ZDHHC21: variants seen among roughly 807,000 people sequenced by gnomAD.
ZDHHC21 encodes palmitoyltransferase ZDHHC21.
Under a neutral mutation model 34.6 loss-of-function variants are expected in ZDHHC21, and 15 were observed. The ratio of observed to expected loss-of-function variants is 0.43; its 90% CI spans 0.29 to 0.67. The LOEUF (loss-of-function observed/expected upper bound fraction) is 0.67, where lower values mean the gene tolerates loss of function less well. Ranked by LOEUF, ZDHHC21 falls within the 30% of genes least tolerant of loss-of-function variation. The pLI is 0.14. For missense variants in ZDHHC21, 344 were observed against 327.7 expected, an observed-to-expected ratio of 1.05 and a Z score of -0.38; for synonymous variants, 142 against 101.8, an observed-to-expected ratio of 1.40 and a Z score of -2.38.
In ZDHHC21 at chr9:14,644,264, C is replaced by G. The variant is rs112832760; in HGVS notation, c.505-4252G>C. On this transcript the variant is annotated intron_variant, in intron 7 of 9. Coordinates refer to ENST00000380916, the MANE Select transcript of ZDHHC21 (RefSeq NM_178566.6). Reference sequence around the variant, plus strand: ...ACATTTTTTATACTTTCTTAAAAACCCAAAAGAATCTATAGATAAATCATT... The same window carrying G: ...ACATTTTTTATACTTTCTTAAAAACGCAAAAGAATCTATAGATAAATCATT... Among the ~76,000 whole-genome samples the G allele has an allele frequency of 1.0e-3, 156 of 152,046 alleles. 1 individual carries two copies. Among genetic ancestry groups the G allele is most frequent in the African/African-American group, 3.5e-3 (144 of 41,496 alleles).
chr9:14,654,650 A>G (rs1277811258), intron 7 of ZDHHC21, among the ~76,000 whole-genome samples: 1 of 152,090 alleles, frequency 6.6e-6, no homozygotes, highest in Non-Finnish European at 1.5e-5. Flanking sequence ...TGATTTCACC[A>G]CAGAAATTAT....
At chr9:14,604,761 C>T in the ZDHHC21 span, among the ~76,000 whole-genome samples, 4 of 152,082 alleles carry the variant, frequency 2.6e-5, no homozygotes, top group Non-Finnish European at 5.9e-5. Context: ...CAGTACGGTA[C>T]TGTTAAATTT....
At position 14,674,172 on chromosome 9, in the gene ZDHHC21, G is replaced by C. The variant is rs748787849; in HGVS notation, c.154+15C>G. 6 of 1,466,378 alleles carry C rather than the reference G, an allele frequency of 4.1e-6. No homozygotes were observed. Among genetic ancestry groups the C allele is most frequent in the Admixed American group, 2.7e-5 (1 of 37,536 alleles). The allele number at this position is 1,466,378 out of a possible 1,614,324, so 90.8% of individuals were successfully genotyped here. A position where few individuals can be genotyped will look rare whatever the true frequency, so the allele number is the denominator to read the frequency against. ...AAAAATAATTATACAAGAAAATAAA[G>C]ATCAAGAAACTTACTTATTATTAAT... is the stretch of plus-strand genomic sequence containing the variant. On this transcript the variant is annotated intron_variant, in intron 4 of 9. Coordinates refer to ENST00000380916, the MANE Select transcript of ZDHHC21 (RefSeq NM_178566.6).
intron 7 of ZDHHC21, among the ~76,000 whole-genome samples, chr9:14,655,187 C>G (rs1831963500): frequency 6.6e-6 from 1 of 151,928 alleles, no homozygotes; most frequent in South Asian, 2.1e-4. Flanking sequence ...ATGATGGAAA[C>G]CATAAGACAA....
intron 7 of ZDHHC21, among the ~76,000 whole-genome samples, chr9:14,658,349 T>G (rs1832670042): frequency 7.0e-6 from 1 of 142,988 alleles, no homozygotes. Flanking sequence ...AGTTTGCTTT[T>G]GTTGTTTTGT....
chr9:14,646,533 G>C (rs1369357252), intron 7 of ZDHHC21, among the ~76,000 whole-genome samples: 1 of 152,060 alleles, frequency 6.6e-6, no homozygotes, highest in Non-Finnish European at 1.5e-5. Context: ...GAAAAAAGGA[G>C]AGGAAGAGTC....
chr9:14,598,648 A>G, the ZDHHC21 span, among the ~76,000 whole-genome samples: 1 of 152,222 alleles, frequency 6.6e-6, no homozygotes, highest in South Asian at 2.1e-4. Context: ...ATGCAGAATG[A>G]TATTTAAAAA....
At chr9:14,639,042 G>C (rs1057216833) in intron 8 of ZDHHC21, among the ~76,000 whole-genome samples, 6 of 151,964 alleles carry the variant, frequency 3.9e-5, no homozygotes, top group African/African-American at 7.2e-5. Context: ...GTATATCAAA[G>C]GGATGCCTGC....
intron 7 of ZDHHC21, among the ~76,000 whole-genome samples, chr9:14,649,918 A>C (rs1318729026): frequency 6.6e-6 from 1 of 152,132 alleles, no homozygotes; most frequent in Non-Finnish European, 1.5e-5. Flanking sequence ...GTGTTTGGTA[A>C]AAGTAAAAGA....
intron 8 of ZDHHC21, among the ~76,000 whole-genome samples, chr9:14,623,156 C>A (rs1392889269): frequency 5.7e-5 from 8 of 139,710 alleles, no homozygotes; most frequent in African/African-American, 2.1e-4. Flanking sequence ...AAGGCAACAA[C>A]AAAAAAAAAA....
rs557291158 is a variant in ZDHHC21 at position 14,693,116 on chromosome 9, G to A, written c.-225+113C>T. The A allele has an allele frequency of 6.9e-4, 147 of 213,796 alleles. 2 individuals carry two copies. The South Asian group carries it at 7.2e-3, about 10-fold the overall frequency. The allele number at this position is 213,796 out of a possible 1,614,324, so 13.2% of individuals were successfully genotyped here. On this transcript the variant is annotated intron_variant, in intron 1 of 9. Transcript: ENST00000380916. ...GAACAGGTGAGGGCGTCCCGGCGCG[G>A]AGGAGCGGCGGGCGGGCCCGGCAGA...
At chr9:14,602,772 C>T in the ZDHHC21 span, among the ~76,000 whole-genome samples, 2 of 151,788 alleles carry the variant, frequency 1.3e-5, no homozygotes, top group African/African-American at 4.8e-5. Context: ...AAACAAAGGA[C>T]AAAAGCCAGG....
intron 7 of ZDHHC21, among the ~76,000 whole-genome samples, chr9:14,656,412 A>C (rs1454976490): frequency 6.6e-6 from 1 of 151,944 alleles, no homozygotes; most frequent in Non-Finnish European, 1.5e-5. Context: ...CCATATACCT[A>C]ACTTGATAAT....
At chr9:14,590,040 A>T in the ZDHHC21 span, 1 of 152,262 alleles carries the variant, frequency 6.6e-6, no homozygotes, top group African/African-American at 2.4e-5. Flanking sequence ...CACAGCTGTT[A>T]TAACCATGTT....
chr9:14,686,799 C>A (rs72704961), intron 2 of ZDHHC21, among the ~76,000 whole-genome samples: 27,677 of 149,686 alleles, frequency 0.18, 3,068 homozygotes, highest in East Asian at 0.35. Flanking sequence ...ATGGGAAAAC[C>A]CTGTCTCCAC....
chr9:14,661,296 TAAAGA>T (rs1485889608), intron 6 of ZDHHC21, among the ~76,000 whole-genome samples: 3 of 152,016 alleles, frequency 2.0e-5, no homozygotes, highest in Admixed American at 1.3e-4. Context: ...TTATCAAAAA[TAAAGA>T]AAACTCTAAA....
chr9:14,672,128 T>G (rs2131513062), intron 5 of ZDHHC21, among the ~76,000 whole-genome samples: 1 of 152,194 alleles, frequency 6.6e-6, no homozygotes, highest in South Asian at 2.1e-4. Context: ...CAGAAACGCA[T>G]GTAAAATACT....
intron 8 of ZDHHC21, chr9:14,622,678 G>C (rs1392063080): frequency 1.0e-6 from 1 of 984,852 alleles, no homozygotes; most frequent in Admixed American, 6.2e-5. Flanking sequence ...GTGCTGAAGA[G>C]TCCTTTGGCA....
chr9:14,667,676 G>C (rs1834717198), intron 5 of ZDHHC21, among the ~76,000 whole-genome samples: 1 of 87,678 alleles, frequency 1.1e-5, no homozygotes, highest in Non-Finnish European at 2.3e-5. Flanking sequence ...TTCATCCCTG[G>C]GATGCAAGGC....
Sources: allele counts gnomAD v4.1 joint callset (sites outside exome capture counted in the v4.1 genomes callset), GRCh38; gene constraint gnomAD v4.1.1; transcripts MANE v1.5; gene names NCBI Gene and HGNC (gene_info 2026-07-23, HGNC 2026-07-21).